Variants in SNX30 observed in about 807,000 individuals in gnomAD.
SNX30 encodes the protein sorting nexin-30.
SNX30 carries 24 observed loss-of-function variants against 46.4 expected under a neutral mutation model. That is an observed-to-expected ratio of 0.52 (90% confidence interval 0.37 to 0.73). The LOEUF (loss-of-function observed/expected upper bound fraction) is 0.73. SNX30 is among the 30% of genes least tolerant of loss of function. The probability of loss-of-function intolerance (pLI) is 0.00; values close to 1 mark genes in which losing one functional copy is unlikely to be tolerated. For missense variants in SNX30, 533 were observed against 555.7 expected (o/e 0.96, Z 0.41); for synonymous variants, 189 against 211.5 (o/e 0.89, Z 0.92).
rs192066700 is a variant in SNX30 at position 112,788,984 on chromosome 9, T to G, written c.157-15792T>G. ...CTAATTTTTGTATTTTTTGTAGAGA[T>G]AGGGTTTCACTATGTTGCCCAGGCT... is the stretch of plus-strand genomic sequence containing the variant. On this transcript the variant is annotated intron_variant, in intron 1 of 8. Coordinates refer to ENST00000374232, the MANE Select transcript of SNX30 (RefSeq NM_001012994.2). Among the ~76,000 whole-genome samples the G allele has an allele frequency of 1.2e-3, 179 of 152,154 alleles. 1 individual carries two copies. Among genetic ancestry groups the G allele is most frequent in the African/African-American group, 4.0e-3 (168 of 41,516 alleles).
Position 112,810,089 on chromosome 9 carries a change from A to C in SNX30, c.348+5122A>C, listed in dbSNP as rs192150818. Among the ~76,000 whole-genome samples, 438 of 152,076 alleles carry C rather than the reference A, an allele frequency of 2.9e-3. 1 individual carries two copies. Among genetic ancestry groups the C allele is most frequent in the African/African-American group, 9.8e-3 (407 of 41,498 alleles). On this transcript the variant is annotated intron_variant, in intron 2 of 8. Transcript: ENST00000374232. ...AAGTTTGTTTTGTGGCAGGAAGTTA[A>C]GGGGTTCTTTGCTTATATCTGGAGT...
intron 8 of SNX30, 83 bp downstream of exon 8, chr9:112,864,482 C>T: frequency 6.5e-7 from 1 of 1,548,856 alleles, no homozygotes. Context: ...AGCTGGGAAT[C>T]CTGCTAGTCT....
At chr9:112,865,637 A>G (rs1564297100) in intron 8 of SNX30, among the ~76,000 whole-genome samples, 6 of 115,550 alleles carry the variant, frequency 5.2e-5, no homozygotes, top group Non-Finnish European at 1.1e-4. Context: ...ATATATATAT[A>G]TATATATATA....
At chr9:112,864,997 ACACACACC>A (rs774938726) in intron 8 of SNX30, among the ~76,000 whole-genome samples, 8,474 of 82,532 alleles carry the variant, frequency 0.1, 566 homozygotes, top group South Asian at 0.32. Flanking sequence ...GTGCACACAC[ACACACACC>A]CACACACCCC....
chr9:112,786,371 G>A (rs1334703039), intron 1 of SNX30, among the ~76,000 whole-genome samples: 1 of 151,716 alleles, frequency 6.6e-6, no homozygotes, highest in Non-Finnish European at 1.5e-5. Flanking sequence ...TCTGCCTGCT[G>A]TAGCCTCCCA....
chr9:112,866,580 G>A (rs980253671), intron 8 of SNX30: 2 of 468,536 alleles, frequency 4.3e-6, no homozygotes, highest in East Asian at 1.4e-4. Flanking sequence ...GGGCTTCAGA[G>A]TTTAGCTTCC....
At chr9:112,808,590 A>G (rs191396469) in intron 2 of SNX30, among the ~76,000 whole-genome samples, 22 of 152,296 alleles carry the variant, frequency 1.4e-4, no homozygotes, top group Admixed American at 1.4e-3. Flanking sequence ...TTTTTATGTT[A>G]TATAAGTAAT....
chr9:112,854,515 T>C (rs10817400), intron 7 of SNX30, among the ~76,000 whole-genome samples: 121,629 of 152,208 alleles, frequency 0.8, 48,798 homozygotes, highest in South Asian at 0.87. Context: ...ACACTGTGGC[T>C]GGGCCATCTT....
chr9:112,830,258 A>G (rs1313843090), intron 3 of SNX30, among the ~76,000 whole-genome samples: 1 of 152,190 alleles, frequency 6.6e-6, no homozygotes, highest in African/African-American at 2.4e-5. Flanking sequence ...ACATGAATTT[A>G]CCTAATTTAT....
chr9:112,770,570 T>C (rs553509067), intron 1 of SNX30, among the ~76,000 whole-genome samples: 1 of 152,340 alleles, frequency 6.6e-6, no homozygotes, highest in Admixed American at 6.5e-5. Flanking sequence ...AATCTGGCTC[T>C]GCTGCTTCTC....
intron 1 of SNX30, among the ~76,000 whole-genome samples, chr9:112,796,420 G>T (rs1255790273): frequency 2.6e-5 from 4 of 152,180 alleles, no homozygotes; most frequent in Admixed American, 6.5e-5. Flanking sequence ...AGACACTGGG[G>T]TGTGGACGCC....
Position 112,829,822 on chromosome 9 carries a change from G to A in SNX30, c.460-903G>A, listed in dbSNP as rs572153685. Among the ~76,000 whole-genome samples the A allele has an allele frequency of 4.6e-5, 7 of 151,778 alleles. No homozygotes were observed. The East Asian group carries it at 9.7e-4, about 21-fold the overall frequency. ...ATGGCCATCTTAGCAGGTATGAAAT[G>A]GCGTATCATGATGGTTTTACTGATG... On this transcript the variant is annotated intron_variant, in intron 3 of 8. Transcript: ENST00000374232.
chr9:112,881,245 G>C (rs1841573651), intron 5 of SNX30, among the ~76,000 whole-genome samples: 1 of 152,190 alleles, frequency 6.6e-6, no homozygotes, highest in Non-Finnish European at 1.5e-5. Flanking sequence ...CTAAGCTACA[G>C]CGCAGCACTT....
chr9:112,873,421 T>G lies in SNX30; in HGVS notation c.*4578T>G, dbSNP rs935294931. 3 of 152,224 alleles carry G rather than the reference T, an allele frequency of 2.0e-5. No individual in the cohort carries two copies. Among genetic ancestry groups the G allele is most frequent in the African/African-American group, 7.2e-5 (3 of 41,456 alleles). The allele number at this position is 152,224 out of a possible 1,614,324, so 9.4% of individuals were successfully genotyped here. The stretch of plus-strand genomic sequence containing the variant: ...TGCCTTATTCTTCTTCACCTAGTGT[T>G]TTAAAAGTCCTGGGTAGAAAGAGTT... On this transcript the variant is annotated 3_prime_UTR_variant, in exon 9 of 9. Transcript: ENST00000374232.
chr9:112,857,801 CATCCATCCATCT>C (rs1841160176), intron 7 of SNX30, among the ~76,000 whole-genome samples: 1 of 151,848 alleles, frequency 6.6e-6, no homozygotes, highest in African/African-American at 2.4e-5. Flanking sequence ...TCCAACCATC[CATCCATCCATCT>C]ATCTATTTAT....
At chr9:112,772,224 G>A (rs1839663924) in intron 1 of SNX30, among the ~76,000 whole-genome samples, 1 of 152,194 alleles carries the variant, frequency 6.6e-6, no homozygotes, top group Non-Finnish European at 1.5e-5. Flanking sequence ...TCCCCAGAGA[G>A]AGGAACGACC....
chr9:112,826,841 A>T (rs62576425), intron 3 of SNX30, among the ~76,000 whole-genome samples: 130 of 152,314 alleles, frequency 8.5e-4, no homozygotes, highest in Non-Finnish European at 1.5e-3. Context: ...ATCCTAAAGG[A>T]CAGCCATATC....
At chr9:112,881,406 C>T (rs1841575833) in intron 5 of SNX30, 1 of 152,252 alleles carries the variant, frequency 6.6e-6, no homozygotes, top group South Asian at 2.1e-4. Context: ...ACTGACTGTA[C>T]TTAAGACTCA....
chr9:112,864,066 C>T (rs1841279658), intron 7 of SNX30, among the ~76,000 whole-genome samples, 181 bp from the exon 8 acceptor site: 1 of 152,204 alleles, frequency 6.6e-6, no homozygotes, highest in Non-Finnish European at 1.5e-5. Context: ...CTTTTCAGAG[C>T]TCCTCCTTAG....
Sources: gnomAD v4.1 joint callset for allele counts (sites outside exome capture counted in the v4.1 genomes callset) on GRCh38, gnomAD v4.1.1 for gene constraint, MANE v1.5 for transcripts, NCBI Gene and HGNC (gene_info 2026-07-23, HGNC 2026-07-21) for gene names.